The following CTNNA2 variants were observed in gnomAD, a reference collection of about 807,000 sequenced individuals.
CTNNA2 encodes catenin alpha-2.
Under a neutral mutation model 101.0 loss-of-function variants are expected in CTNNA2, and 42 were observed. The ratio of observed to expected loss-of-function variants is 0.42; its 90% CI spans 0.32 to 0.54. The LOEUF (loss-of-function observed/expected upper bound fraction) is 0.54, where lower values mean the gene tolerates loss of function less well. Ranked by LOEUF, CTNNA2 falls within the 20% of genes least tolerant of loss-of-function variation. CTNNA2 has a pLI of 0.14. For synonymous variants in CTNNA2, 450 were observed against 456.4 expected, an observed-to-expected ratio of 0.99 and a Z score of 0.18; for missense variants, 871 against 1,223.1, an observed-to-expected ratio of 0.71 and a Z score of 4.29.
intron 16 of CTNNA2, among the ~76,000 whole-genome samples, chr2:80,606,550 A>C (rs1012459125): frequency 2.0e-5 from 3 of 151,878 alleles, no homozygotes; most frequent in Non-Finnish European, 4.4e-5. Flanking sequence ...CTGTGAAATA[A>C]CTTGCAATTT....
rs377265036 is a variant in CTNNA2 at position 79,523,611 on chromosome 2, TA to T, written c.-6+10407del. On this transcript the variant is annotated intron_variant, in intron 1 of 18. Transcript: ENST00000402739. Reference sequence around the variant, plus strand: ...CATGTACTAATGTATTTTTTAAAGGTAAACTCATAAATGCAGTTGTTGAGTC... The same window carrying T: ...CATGTACTAATGTATTTTTTAAAGGTAACTCATAAATGCAGTTGTTGAGTC... Among the ~76,000 whole-genome samples the T allele has an allele frequency of 3.2e-3, 494 of 152,290 alleles. 6 individuals are homozygous for T. The highest frequency in any genetic ancestry group is 3.0e-3 in the Non-Finnish European group (201 of 67,994).
chr2:79,288,096 C>G (rs1418316900), intron 2 of CTNNA2, among the ~76,000 whole-genome samples: 1 of 152,202 alleles, frequency 6.6e-6, no homozygotes, highest in Admixed American at 6.5e-5. Flanking sequence ...ATGCCTCGCC[C>G]TGCTTCACCT....
At chr2:80,107,733 C>T (rs986940774) in intron 7 of CTNNA2, among the ~76,000 whole-genome samples, 1 of 152,224 alleles carries the variant, frequency 6.6e-6, no homozygotes, top group Non-Finnish European at 1.5e-5. Flanking sequence ...GCTGATAACA[C>T]ACTACTGTCC....
chr2:79,720,498 C>G (rs7578532), intron 2 of CTNNA2, among the ~76,000 whole-genome samples: 21,371 of 152,014 alleles, frequency 0.14, 2,112 homozygotes, highest in African/African-American at 0.28. Context: ...GTCATTTTAA[C>G]AAAATTAATT....
intron 7 of CTNNA2, among the ~76,000 whole-genome samples, chr2:80,077,376 C>T (rs1698827853): frequency 6.6e-6 from 1 of 152,124 alleles, no homozygotes; most frequent in African/African-American, 2.4e-5. Context: ...ACCCATGTAA[C>T]TTCAACAAGT....
intron 2 of CTNNA2, among the ~76,000 whole-genome samples, chr2:79,288,267 C>G (rs183871654): frequency 4.1e-4 from 62 of 152,332 alleles, no homozygotes; most frequent in African/African-American, 1.4e-3. Flanking sequence ...CATCTTGGCT[C>G]CTCCTTATAC....
chr2:79,577,500 A>T (rs576606246), intron 1 of CTNNA2, among the ~76,000 whole-genome samples: 35 of 152,258 alleles, frequency 2.3e-4, no homozygotes, highest in African/African-American at 7.9e-4. Context: ...GAAGGAGGCT[A>T]TTACAAATTA....
Position 80,402,972 on chromosome 2 carries a change from G to A in CTNNA2, c.1137+9681G>A, listed in dbSNP as rs144052348. On this transcript the variant is annotated intron_variant, in intron 8 of 18. Transcript: ENST00000402739. ...AGGACAAGGGTAAGGCAAGTGAGGC[G>A]TAGCCTCAGGTGCAAGATTTTAGGG... Among the ~76,000 whole-genome samples, 244 of 152,012 alleles carry A rather than the reference G, an allele frequency of 1.6e-3. 2 individuals are homozygous for A. The highest frequency in any genetic ancestry group is 5.7e-3 in the African/African-American group (235 of 41,520).
intron 7 of CTNNA2, among the ~76,000 whole-genome samples, chr2:80,100,956 A>G (rs1700506722): frequency 6.6e-6 from 1 of 152,170 alleles, no homozygotes; most frequent in African/African-American, 2.4e-5. Context: ...AACATATTTC[A>G]TAAATACCTG....
intron 18 of CTNNA2, among the ~76,000 whole-genome samples, chr2:80,641,784 G>A (rs1205921500): frequency 6.9e-6 from 1 of 145,684 alleles, no homozygotes; most frequent in Admixed American, 6.9e-5. Context: ...AAATATCTTA[G>A]ATTATTAAAA....
At position 80,544,841 on chromosome 2, in the gene CTNNA2, C is replaced by T. The variant is rs1573210709; in HGVS notation, c.1291-141C>T. ...TAAGAAGTAGTACTAGTTGGTTCTACATGAAGGCCAGGGTACCCTTATCTT... is the reference window on the plus strand; with the variant it reads ...TAAGAAGTAGTACTAGTTGGTTCTATATGAAGGCCAGGGTACCCTTATCTT... On this transcript the variant is annotated intron_variant, in intron 9 of 18. Transcript: ENST00000402739. 4.6e-6 allele frequency: 3 copies of T among 656,920 alleles called. No homozygotes were observed. In the East Asian group the frequency reaches 8.4e-5, roughly 18 times the overall value. 40.7% of individuals were successfully genotyped at this position (656,920 alleles called of 1,614,324 possible). A position where few individuals can be genotyped will look rare whatever the true frequency, so the allele number is the denominator to read the frequency against.
At chr2:80,597,792 T>C (rs1697117615) in intron 15 of CTNNA2, among the ~76,000 whole-genome samples, 1 of 152,144 alleles carries the variant, frequency 6.6e-6, no homozygotes, top group Non-Finnish European at 1.5e-5. Context: ...CCAGTCAGAA[T>C]GGCGATCATT....
chr2:80,568,497 G>T (rs1694259201), intron 12 of CTNNA2, among the ~76,000 whole-genome samples: 1 of 151,900 alleles, frequency 6.6e-6, no homozygotes, highest in Non-Finnish European at 1.5e-5. Context: ...ATTCATATGT[G>T]AAACAGTTGA....
At chr2:80,474,612 CAA>C (rs1488601690) in intron 9 of CTNNA2, among the ~76,000 whole-genome samples, 2 of 152,104 alleles carry the variant, frequency 1.3e-5, no homozygotes, top group Admixed American at 6.6e-5. Context: ...CAATAAAATG[CAA>C]AGTCTTTTTA....
chr2:79,597,054 C>CAT, intron 1 of CTNNA2, among the ~76,000 whole-genome samples: 1 of 152,166 alleles, frequency 6.6e-6, no homozygotes, highest in East Asian at 1.9e-4. Flanking sequence ...AATGTGGCCT[C>CAT]ATATATATAG....
chr2:79,990,882 AG>A, intron 7 of CTNNA2, among the ~76,000 whole-genome samples: 1 of 152,116 alleles, frequency 6.6e-6, no homozygotes, highest in Non-Finnish European at 1.5e-5. Flanking sequence ...CCTCTGGTAG[AG>A]TTTGGCTGTG....
At chr2:79,763,342 C>T (rs1200524076) in intron 3 of CTNNA2, among the ~76,000 whole-genome samples, 1 of 152,122 alleles carries the variant, frequency 6.6e-6, no homozygotes, top group Non-Finnish European at 1.5e-5. Flanking sequence ...TTCTTTCATG[C>T]AGCAGCAATT....
intron 3 of CTNNA2, among the ~76,000 whole-genome samples, chr2:79,810,976 C>T (rs569269625): frequency 9.7e-4 from 146 of 151,056 alleles, no homozygotes; most frequent in Non-Finnish European, 1.7e-3. Flanking sequence ...TGAATAGTGC[C>T]GCAATAAACA....
chr2:79,720,068 T>A (rs1686377814), intron 2 of CTNNA2, among the ~76,000 whole-genome samples: 1 of 152,192 alleles, frequency 6.6e-6, no homozygotes, highest in Admixed American at 6.5e-5. Flanking sequence ...TTAATTTTTG[T>A]ATGTGGTGAA....
Sources: allele counts gnomAD v4.1 joint callset (sites outside exome capture counted in the v4.1 genomes callset), GRCh38; gene constraint gnomAD v4.1.1; transcripts MANE v1.5; gene names NCBI Gene and HGNC (gene_info 2026-07-23, HGNC 2026-07-21).